Variants in TNFAIP8 observed in about 807,000 individuals in gnomAD.
TNFAIP8 encodes the protein TNF alpha induced protein 8, also known as tumor necrosis factor alpha-induced protein 8.
TNFAIP8 carries 7 observed loss-of-function variants against 13.3 expected under a neutral mutation model. The ratio of observed to expected loss-of-function variants is 0.52; its 90% CI spans 0.30 to 0.99. The LOEUF is 0.99. TNFAIP8 is among the 50% of genes least tolerant of loss of function. The pLI is 0.07. For missense variants in TNFAIP8, 258 were observed against 236.9 expected, an observed-to-expected ratio of 1.09 and a Z score of -0.58; for synonymous variants, 94 against 87.6, an observed-to-expected ratio of 1.07 and a Z score of -0.41.
At chr5:119,314,284 C>T (rs1420338417) in intron 1 of TNFAIP8, among the ~76,000 whole-genome samples, 4 of 152,224 alleles carry the variant, frequency 2.6e-5, no homozygotes, top group African/African-American at 9.6e-5. Context: ...GGTAAGCACT[C>T]AGTATTAGTT....
At chr5:119,325,517 A>T (rs1430622617) in intron 1 of TNFAIP8, among the ~76,000 whole-genome samples, 4 of 152,144 alleles carry the variant, frequency 2.6e-5, no homozygotes, top group Admixed American at 2.6e-4. Context: ...GTGCGATCTC[A>T]GCTCACTGCA....
chr5:119,293,824 C>G (rs1335266276), intron 1 of TNFAIP8, among the ~76,000 whole-genome samples: 1 of 152,126 alleles, frequency 6.6e-6, no homozygotes, highest in Non-Finnish European at 1.5e-5. Context: ...TATACTCTTT[C>G]TACTTTCATG....
chr5:119,333,778 C>T (rs1472832428), intron 1 of TNFAIP8: 1 of 743,886 alleles, frequency 1.3e-6, no homozygotes, highest in Non-Finnish European at 2.2e-6. Flanking sequence ...CAACAAATCA[C>T]TGTTTTGTTT....
At chr5:119,353,531 C>A (rs940136483), upstream of TNFAIP8, among the ~76,000 whole-genome samples, 1 of 152,200 alleles carries the variant, frequency 6.6e-6, no homozygotes, top group Non-Finnish European at 1.5e-5. Flanking sequence ...ACAGAGCATT[C>A]TTCCCCAAGG....
chr5:119,293,882 A>G (rs1215269908), intron 1 of TNFAIP8, among the ~76,000 whole-genome samples: 2 of 152,190 alleles, frequency 1.3e-5, no homozygotes, highest in Non-Finnish European at 2.9e-5. Context: ...GGGCAGTCAC[A>G]TGCATGTTAT....
intron 1 of TNFAIP8, among the ~76,000 whole-genome samples, chr5:119,372,519 T>A (rs998455359): frequency 6.6e-6 from 1 of 152,214 alleles, no homozygotes; most frequent in Non-Finnish European, 1.5e-5. Flanking sequence ...ATCATTTGAC[T>A]AAGTAAAATA....
chr5:119,313,910 A>G (rs1749806317), intron 1 of TNFAIP8, among the ~76,000 whole-genome samples: 2 of 152,270 alleles, frequency 1.3e-5, no homozygotes, highest in South Asian at 4.1e-4. Context: ...TAAAGTGCTT[A>G]TTATTCACTA....
At chr5:119,313,236 T>A (rs1283601401) in intron 1 of TNFAIP8, among the ~76,000 whole-genome samples, 2 of 152,210 alleles carry the variant, frequency 1.3e-5, no homozygotes, top group Admixed American at 6.5e-5. Flanking sequence ...CAAGACTACT[T>A]AACAGCTCCA....
chr5:119,279,339 C>T (rs972871401), intron 1 of TNFAIP8, among the ~76,000 whole-genome samples: 1 of 152,158 alleles, frequency 6.6e-6, no homozygotes, highest in Non-Finnish European at 1.5e-5. Context: ...AGGCTGTTGC[C>T]TCTCCAACCA....
intron 1 of TNFAIP8, among the ~76,000 whole-genome samples, chr5:119,382,745 A>G (rs904496094): frequency 1.3e-5 from 2 of 152,230 alleles, no homozygotes; most frequent in African/African-American, 2.4e-5. Context: ...GTAGCAGGGC[A>G]AGGCCCCTGA....
intron 1 of TNFAIP8, among the ~76,000 whole-genome samples, chr5:119,327,010 T>G (rs1185285520): frequency 2.6e-5 from 4 of 152,098 alleles, no homozygotes; most frequent in Non-Finnish European, 4.4e-5. Context: ...GACAAGAAGA[T>G]AGAGGAGACA....
At chr5:119,338,165 G>C (rs941759910) in intron 1 of TNFAIP8, among the ~76,000 whole-genome samples, 1 of 125,166 alleles carries the variant, frequency 8.0e-6, no homozygotes, top group Non-Finnish European at 1.7e-5. Flanking sequence ...CTGGAACTTT[G>C]ACACACACAC....
At chr5:119,345,148 A>G (rs950455376) in intron 1 of TNFAIP8, among the ~76,000 whole-genome samples, 45 of 152,220 alleles carry the variant, frequency 3.0e-4, no homozygotes, top group Non-Finnish European at 1.2e-4. Flanking sequence ...TAATACATAT[A>G]TATTGAAATA....
chr5:119,278,980 G>A (rs553814254), intron 1 of TNFAIP8, among the ~76,000 whole-genome samples: 1 of 152,100 alleles, frequency 6.6e-6, no homozygotes, highest in Non-Finnish European at 1.5e-5. Context: ...AGCCAGAAAG[G>A]TATCCATCAT....
At chr5:119,374,959 T>C (rs1462925908) in intron 1 of TNFAIP8, among the ~76,000 whole-genome samples, 1 of 152,120 alleles carries the variant, frequency 6.6e-6, no homozygotes, top group Non-Finnish European at 1.5e-5. Flanking sequence ...AGTTAGATAG[T>C]GGTAATAGTT....
Position 119,393,128 on chromosome 5 carries a change from G to A in TNFAIP8, c.344G>A (p.Ser115Asn), listed in dbSNP as rs1013591606. The A allele has an allele frequency of 1.2e-6, 2 of 1,613,994 alleles. No homozygotes were observed. Among genetic ancestry groups the A allele is most frequent in the Non-Finnish European group, 1.7e-6 (2 of 1,179,880 alleles). Reference sequence around the variant, plus strand: ...CATCAGCTTGCTATGACCGTGGTCAGTTTCCATCAGGTGGATTATACCTTT... The same window carrying A: ...CATCAGCTTGCTATGACCGTGGTCAATTTCCATCAGGTGGATTATACCTTT... ...KVHQLAMTVV[S>N]FHQVDYTFDR... The change falls in exon 2 of 2, where the codon AGT (serine) becomes AAT (asparagine). Residue 115 changes from serine (S) to asparagine (N), a missense_variant. Transcript: ENST00000504771.
In TNFAIP8 at chr5:119,395,659, C is replaced by T. The variant is rs1753056118; in HGVS notation, c.*2278C>T. The T allele has an allele frequency of 6.6e-6, 1 of 152,234 alleles. No homozygotes were observed. The highest frequency in any genetic ancestry group is 6.5e-5 in the Admixed American group (1 of 15,276). The allele number at this position is 152,234 out of a possible 1,614,324, so 9.4% of individuals were successfully genotyped here. A position where few individuals can be genotyped will look rare whatever the true frequency, so the allele number is the denominator to read the frequency against. On this transcript the variant is annotated 3_prime_UTR_variant, in exon 2 of 2. Transcript: ENST00000504771. ...TCAGCATTTTCTGGAGGGGACCCATCTCCTTACCAGTGCTGTGCCTGAAAA... is the reference window on the plus strand; with the variant it reads ...TCAGCATTTTCTGGAGGGGACCCATTTCCTTACCAGTGCTGTGCCTGAAAA...
chr5:119,376,853 C>T (rs1171129857), intron 1 of TNFAIP8, among the ~76,000 whole-genome samples: 1 of 152,104 alleles, frequency 6.6e-6, no homozygotes, highest in Non-Finnish European at 1.5e-5. Context: ...CAAGACAGGT[C>T]CCCCTTGATT....
At chr5:119,328,297 G>A (rs1750282175) in intron 1 of TNFAIP8, among the ~76,000 whole-genome samples, 1 of 152,124 alleles carries the variant, frequency 6.6e-6, no homozygotes, top group Non-Finnish European at 1.5e-5. Context: ...ACAGGCATGA[G>A]CCACTGTGTC....
Sources: allele counts gnomAD v4.1 joint callset (sites outside exome capture counted in the v4.1 genomes callset), GRCh38; gene constraint gnomAD v4.1.1; transcripts MANE v1.5; gene names NCBI Gene and HGNC (gene_info 2026-07-23, HGNC 2026-07-21).